The following ADGRL4 variants were observed in gnomAD, a reference collection of about 807,000 sequenced individuals.
ADGRL4 encodes adhesion G protein-coupled receptor L4.
Under a neutral mutation model 74.8 loss-of-function variants are expected in ADGRL4, and 90 were observed. The observed-to-expected ratio is 1.20, with a 90% CI of 1.02 to 1.43. The LOEUF is 1.43. Ranked by LOEUF, ADGRL4 falls within the 40% of genes most tolerant of loss-of-function variation. The pLI, the probability that ADGRL4 is intolerant of heterozygous loss-of-function variation, is 0.00. For missense variants in ADGRL4, 881 were observed against 814.3 expected (o/e 1.08, Z -1.00); for synonymous variants, 311 against 279.2 (o/e 1.11, Z -1.14).
In ADGRL4 at chr1:79,006,657, G is replaced by A. The variant is rs1437640500; in HGVS notation, c.-3C>T. Reference sequence around the variant, plus strand: ...CCTAGGAGCGGGAGGCGTTTCATTGGCGGTGGCCGCAGTGGTGGCGGTGGC... The same window carrying A: ...CCTAGGAGCGGGAGGCGTTTCATTGACGGTGGCCGCAGTGGTGGCGGTGGC... On this transcript the variant is annotated 5_prime_UTR_variant, in exon 1 of 15. Transcript: ENST00000370742. 6.0e-6 allele frequency: 9 copies of A among 1,504,180 alleles called. No homozygotes were observed. In the African/African-American group the frequency reaches 8.7e-5, roughly 15 times the overall value. 93.2% of individuals were successfully genotyped at this position (1,504,180 alleles called of 1,614,324 possible). A position where few individuals can be genotyped will look rare whatever the true frequency, so the allele number is the denominator to read the frequency against.
chr1:78,959,299 AAAATT>A (rs1383505648), intron 2 of ADGRL4, among the ~76,000 whole-genome samples: 1 of 152,202 alleles, frequency 6.6e-6, no homozygotes, highest in Non-Finnish European at 1.5e-5. Context: ...CAAAGAAACT[AAAATT>A]AAAATAGAAA....
chr1:79,006,232 T>C (rs1331923516), intron 1 of ADGRL4, among the ~76,000 whole-genome samples: 3 of 152,208 alleles, frequency 2.0e-5, no homozygotes, highest in Non-Finnish European at 2.9e-5. Flanking sequence ...CGGAATTAGT[T>C]CACCCTCGGA....
At chr1:78,989,475 TG>T (rs71756168) in intron 2 of ADGRL4, among the ~76,000 whole-genome samples, 12,887 of 151,260 alleles carry the variant, frequency 0.085, 711 homozygotes, top group East Asian at 0.32. Flanking sequence ...ATTTTTATTT[TG>T]TTTTTTTTCC....
chr1:78,937,815 G>T lies in ADGRL4; in HGVS notation c.752C>A (p.Thr251Lys). The stretch of plus-strand genomic sequence containing the variant: ...GGACCCTTGTTTCTTACCTATATCC[G>T]TTGAATTTGTATCAAACTCTGTGGT... ...QKTTEFDTNS[T>K]DIALKVFFFD... Residue 251 changes from threonine (T) to lysine (K), a missense_variant, in exon 6 of 15, where the codon ACG becomes AAG. Transcript: ENST00000370742. The T allele has an allele frequency of 6.2e-7, 1 of 1,605,558 alleles. No individual in the cohort carries two copies. Among genetic ancestry groups the T allele is most frequent in the Non-Finnish European group, 8.5e-7 (1 of 1,177,758 alleles).
chr1:78,923,963 T>C (rs559952943), intron 8 of ADGRL4, among the ~76,000 whole-genome samples: 2 of 151,946 alleles, frequency 1.3e-5, no homozygotes, highest in East Asian at 1.9e-4. Flanking sequence ...ATTTTCAGAC[T>C]GAAAAGACTC....
At chr1:78,968,399 A>C (rs924821698) in intron 2 of ADGRL4, among the ~76,000 whole-genome samples, 2 of 150,766 alleles carry the variant, frequency 1.3e-5, no homozygotes, top group Non-Finnish European at 3.0e-5. Flanking sequence ...ATACAAAGGA[A>C]TGTATAGTAG....
chr1:78,906,875 A>G (rs1648653153), intron 12 of ADGRL4, among the ~76,000 whole-genome samples: 1 of 152,030 alleles, frequency 6.6e-6, no homozygotes. Context: ...TAAAAATAGA[A>G]GAGATATAAG....
intron 2 of ADGRL4, among the ~76,000 whole-genome samples, chr1:78,971,922 A>AT (rs1650177700): frequency 6.6e-6 from 1 of 151,748 alleles, no homozygotes; most frequent in African/African-American, 2.4e-5. Context: ...TGCCCAGCTA[A>AT]TTTTTTGTAT....
chr1:78,903,208 A>G (rs781237229), intron 12 of ADGRL4, among the ~76,000 whole-genome samples: 4 of 152,130 alleles, frequency 2.6e-5, no homozygotes, highest in Non-Finnish European at 4.4e-5. Context: ...TTTATCTTTC[A>G]GCCTACTGCA....
At chr1:78,936,828 A>T (rs983970410) in intron 6 of ADGRL4, among the ~76,000 whole-genome samples, 16 of 152,212 alleles carry the variant, frequency 1.1e-4, no homozygotes, top group African/African-American at 3.6e-4. Flanking sequence ...ATGCAGAAAC[A>T]TTATAAAAAT....
intron 7 of ADGRL4, among the ~76,000 whole-genome samples, chr1:78,932,053 A>G (rs769443104): frequency 1.5e-4 from 23 of 151,624 alleles, no homozygotes; most frequent in South Asian, 4.1e-4. Flanking sequence ...AATCAGGACT[A>G]GAACTCAGTT....
chr1:78,968,963 G>A (rs1265043872), intron 2 of ADGRL4, among the ~76,000 whole-genome samples: 1 of 152,174 alleles, frequency 6.6e-6, no homozygotes, highest in Non-Finnish European at 1.5e-5. Flanking sequence ...AAATGTTCAA[G>A]AATATCAAGC....
intron 2 of ADGRL4, among the ~76,000 whole-genome samples, chr1:78,977,720 T>C (rs1055310396): frequency 6.6e-6 from 1 of 151,838 alleles, no homozygotes; most frequent in Non-Finnish European, 1.5e-5. Context: ...GGTGAGTAGT[T>C]TGGAGAATAA....
In ADGRL4 at chr1:78,890,226, A is replaced by C. The variant is rs1248479; in HGVS notation, c.*928T>G. The C allele has an allele frequency of 1, 151,973 of 152,450 alleles. 75,753 individuals carry two copies. Among genetic ancestry groups the C allele is most frequent in the Middle Eastern group, 1 (286 of 286 alleles). 9.4% of individuals were successfully genotyped at this position (152,450 alleles called of 1,614,324 possible). Reference sequence around the variant, plus strand: ...TATTGCAATGTGAACTGTGATATTTATAAAATTAAAAATAATAAAGGATTC... The same window carrying C: ...TATTGCAATGTGAACTGTGATATTTCTAAAATTAAAAATAATAAAGGATTC... On this transcript the variant is annotated 3_prime_UTR_variant, in exon 15 of 15. Transcript: ENST00000370742.
At chr1:78,980,551 C>T (rs1014055347) in intron 2 of ADGRL4, among the ~76,000 whole-genome samples, 2 of 151,816 alleles carry the variant, frequency 1.3e-5, no homozygotes, top group African/African-American at 4.8e-5. Flanking sequence ...AATTTTATAG[C>T]CACTGAGGAG....
intron 6 of ADGRL4, 99 bp downstream of exon 6, chr1:78,937,708 A>G: frequency 1.0e-6 from 1 of 1,003,864 alleles, no homozygotes; most frequent in Non-Finnish European, 1.5e-6. Context: ...AATGTAATCA[A>G]TACTAGTTTC....
At chr1:78,951,468 C>T (rs1353184050) in intron 2 of ADGRL4, among the ~76,000 whole-genome samples, 2 of 152,098 alleles carry the variant, frequency 1.3e-5, no homozygotes, top group African/African-American at 4.8e-5. Flanking sequence ...ATGCATATGT[C>T]TACGATATAT....
intron 2 of ADGRL4, among the ~76,000 whole-genome samples, chr1:78,983,456 G>GAA (rs35840743): frequency 8.4e-4 from 123 of 147,126 alleles, no homozygotes; most frequent in South Asian, 1.9e-3. Context: ...TCTAGAATTA[G>GAA]AAAAAAAAAA....
chr1:78,974,952 G>A (rs370606963), intron 2 of ADGRL4, among the ~76,000 whole-genome samples: 15 of 152,212 alleles, frequency 9.9e-5, no homozygotes, highest in African/African-American at 3.6e-4. Context: ...TGTAGTTTTT[G>A]AGAATTAAGG....
Sources: allele counts gnomAD v4.1 joint callset (sites outside exome capture counted in the v4.1 genomes callset), GRCh38; gene constraint gnomAD v4.1.1; transcripts MANE v1.5; gene names NCBI Gene and HGNC (gene_info 2026-07-23, HGNC 2026-07-21).